The following ANKRD31 variants were observed in gnomAD, a reference collection of about 807,000 sequenced individuals.
The protein encoded by ANKRD31 is ankyrin repeat domain 31.
A neutral mutation model predicts 186.0 loss-of-function variants in ANKRD31; 147 were observed. The observed-to-expected ratio is 0.79, with a 90% CI of 0.69 to 0.91. The LOEUF is 0.91. Ranked by LOEUF, ANKRD31 falls within the 40% of genes least tolerant of loss-of-function variation. The pLI is 0.00. For missense variants in ANKRD31, 1,986 were observed against 2,148.8 expected (o/e 0.92, Z 1.50); for synonymous variants, 673 against 736.4 (o/e 0.91, Z 1.39).
At chr5:75,187,384 A>G (rs1754809948) in intron 10 of ANKRD31, among the ~76,000 whole-genome samples, 1 of 152,060 alleles carries the variant, frequency 6.6e-6, no homozygotes, top group African/African-American at 2.4e-5. Flanking sequence ...ACCTGAGACA[A>G]TGAGGAAAAG....
intron 10 of ANKRD31, among the ~76,000 whole-genome samples, chr5:75,180,006 C>T (rs1397667824): frequency 6.6e-6 from 1 of 152,158 alleles, no homozygotes; most frequent in African/African-American, 2.4e-5. Context: ...CCCAAAATCT[C>T]CTTAAGCTGT....
At chr5:75,138,733 A>C in intron 16 of ANKRD31, 113 bp downstream of exon 16, 1 of 1,104,896 alleles carries the variant, frequency 9.1e-7, no homozygotes, top group Non-Finnish European at 1.2e-6. Flanking sequence ...AAGATTGTTC[A>C]AAGTTATCAC....
chr5:75,179,218 G>A (rs1306054544), intron 10 of ANKRD31, among the ~76,000 whole-genome samples: 1 of 152,012 alleles, frequency 6.6e-6, no homozygotes, highest in Non-Finnish European at 1.5e-5. Flanking sequence ...CCAATAACAG[G>A]CTCTGAAATT....
At position 75,107,550 on chromosome 5, in the gene ANKRD31, T is replaced by A. The variant is rs1465977415; in HGVS notation, c.4311A>T (p.Ala1437=). 6.5e-7 allele frequency: 1 copy of A among 1,532,918 alleles called. No individual in the cohort carries two copies. The highest frequency in any genetic ancestry group is 8.7e-7 in the Non-Finnish European group (1 of 1,144,338). 95.0% of individuals were successfully genotyped at this position (1,532,918 alleles called of 1,614,324 possible). A position where few individuals can be genotyped will look rare whatever the true frequency, so the allele number is the denominator to read the frequency against. Residue 1437 remains alanine, a synonymous_variant, in exon 21 of 26, where the codon GCA becomes GCT. Coordinates refer to ENST00000506364, the MANE Select transcript of ANKRD31 (RefSeq NM_001372053.1). ...IMDNVLAKQK[A]ERDDLAKKYR... is the part of the protein sequence containing the mutation. ...ATTTTTTAGCCAGATCATCCCTTTC[T>A]GCTTTCTGCTTGGCAAGCACATTAT...
intron 4 of ANKRD31, 50 bp from the exon 5 acceptor site, chr5:75,206,537 T>C (rs1356257042): frequency 9.4e-7 from 1 of 1,065,558 alleles, no homozygotes; most frequent in Non-Finnish European, 1.2e-6. Context: ...GAAAAAATAG[T>C]GTTTCTCATT....
chr5:75,225,326 A>C (rs1757565709), intron 2 of ANKRD31: 1 of 152,750 alleles, frequency 6.5e-6, no homozygotes, highest in Non-Finnish European at 1.5e-5. Context: ...GATGAGGTAG[A>C]CTCCAACGTG....
At chr5:75,185,333 G>A (rs1754628676) in intron 10 of ANKRD31, among the ~76,000 whole-genome samples, 1 of 152,268 alleles carries the variant, frequency 6.6e-6, no homozygotes, top group African/African-American at 2.4e-5. Flanking sequence ...GCTGAGGCAG[G>A]TGGATCACAA....
At chr5:75,184,001 C>T (rs372906729) in intron 10 of ANKRD31, among the ~76,000 whole-genome samples, 1 of 152,028 alleles carries the variant, frequency 6.6e-6, no homozygotes, top group Non-Finnish European at 1.5e-5. Flanking sequence ...AGGCATATTA[C>T]CTTACTTAGC....
intron 15 of ANKRD31, among the ~76,000 whole-genome samples, chr5:75,143,349 C>T (rs1751190619): frequency 6.6e-6 from 1 of 152,014 alleles, no homozygotes. Context: ...TAGGACAGGG[C>T]ATGTTTTGGG....
At chr5:75,109,270 T>C (rs1268564621) in intron 20 of ANKRD31, among the ~76,000 whole-genome samples, 1 of 152,172 alleles carries the variant, frequency 6.6e-6, no homozygotes, top group Non-Finnish European at 1.5e-5. Flanking sequence ...ATTTTCTGCC[T>C]CAGTTCAGTT....
chr5:75,158,427 G>C (rs1278921547), intron 11 of ANKRD31, among the ~76,000 whole-genome samples: 1 of 152,146 alleles, frequency 6.6e-6, no homozygotes, highest in African/African-American at 2.4e-5. Flanking sequence ...AGCAACCCAA[G>C]TTGGGCATGT....
chr5:75,109,313 G>A (rs1038555370), intron 20 of ANKRD31, among the ~76,000 whole-genome samples: 1 of 152,320 alleles, frequency 6.6e-6, no homozygotes, highest in Non-Finnish European at 1.5e-5. Flanking sequence ...ATAGAAAAGT[G>A]AGTGCAAGGT....
chr5:75,135,067 A>G (rs1458920005), intron 17 of ANKRD31, among the ~76,000 whole-genome samples: 1 of 152,220 alleles, frequency 6.6e-6, no homozygotes, highest in Non-Finnish European at 1.5e-5. Flanking sequence ...ATCATACTGA[A>G]TGGGCAAAAA....
chr5:75,093,998 A>C, intron 22 of ANKRD31, among the ~76,000 whole-genome samples: 1 of 152,264 alleles, frequency 6.6e-6, no homozygotes, highest in Non-Finnish European at 1.5e-5. Context: ...GTATTATAAA[A>C]GACAGTATAA....
chr5:75,233,061 C>A (rs888420015), intron 1 of ANKRD31, among the ~76,000 whole-genome samples: 3 of 125,232 alleles, frequency 2.4e-5, no homozygotes, highest in Non-Finnish European at 4.6e-5. Context: ...TTAATTTTTT[C>A]TTTTCCTTTT....
intron 23 of ANKRD31, among the ~76,000 whole-genome samples, chr5:75,085,769 T>C (rs554286874): frequency 6.6e-6 from 1 of 152,294 alleles, no homozygotes; most frequent in Admixed American, 6.5e-5. Context: ...GTAAAAAAAG[T>C]GCCTCCAGCT....
chr5:75,139,118 G>A, intron 15 of ANKRD31, 135 bp from the exon 16 acceptor site: 1 of 999,772 alleles, frequency 1.0e-6, no homozygotes. Context: ...TATCATTGCT[G>A]TTATTGTTTT....
chr5:75,178,424 A>T lies in ANKRD31; in HGVS notation c.1565-9303T>A, dbSNP rs1753998335. Among the ~76,000 whole-genome samples the T allele has an allele frequency of 2.6e-5, 4 of 152,222 alleles. No homozygotes were observed. In the South Asian group the frequency reaches 8.3e-4, roughly 32 times the overall value. ...AGAACTCTCCACCCCAAATCATTAG[A>T]ATATACATTCTTTTCAGCACCACAC... On this transcript the variant is annotated intron_variant, in intron 10 of 25. Coordinates refer to ENST00000506364, the MANE Select transcript of ANKRD31 (RefSeq NM_001372053.1).
intron 14 of ANKRD31, among the ~76,000 whole-genome samples, chr5:75,145,358 A>G (rs902992272): frequency 1.3e-5 from 2 of 152,108 alleles, no homozygotes; most frequent in African/African-American, 4.8e-5. Context: ...TCAATGATAG[A>G]CTGGATAAAA....
Sources: gnomAD v4.1 joint callset for allele counts (sites outside exome capture counted in the v4.1 genomes callset) on GRCh38, gnomAD v4.1.1 for gene constraint, MANE v1.5 for transcripts, NCBI Gene and HGNC (gene_info 2026-07-23, HGNC 2026-07-21) for gene names.